TSPAN15: variants seen among roughly 807,000 people sequenced by gnomAD.
The protein encoded by TSPAN15 is tetraspanin-15.
TSPAN15 carries 20 observed loss-of-function variants against 34.5 expected under a neutral mutation model. The observed-to-expected ratio is 0.58, with a 90% CI of 0.41 to 0.84. TSPAN15 has a LOEUF of 0.84. Ranked by LOEUF, TSPAN15 falls within the 40% of genes least tolerant of loss-of-function variation. TSPAN15 has a pLI of 0.00. For missense variants in TSPAN15, 313 were observed against 386.1 expected (o/e 0.81, Z 1.59); for synonymous variants, 155 against 153.9 (o/e 1.01, Z -0.05).
At chr10:69,482,585 C>T (rs933661923) in intron 1 of TSPAN15, among the ~76,000 whole-genome samples, 7 of 152,290 alleles carry the variant, frequency 4.6e-5, no homozygotes, top group Middle Eastern at 3.4e-3. Context: ...CGCGTTGTGG[C>T]GGCCTCGCAC....
At chr10:69,546,537 G>C in the TSPAN15 span, among the ~76,000 whole-genome samples, 1 of 152,072 alleles carries the variant, frequency 6.6e-6, no homozygotes, top group Non-Finnish European at 1.5e-5. Flanking sequence ...TCTCACACTG[G>C]AATTTCTGTC....
chr10:69,478,791 G>A (rs1175990267), intron 1 of TSPAN15, among the ~76,000 whole-genome samples: 1 of 152,188 alleles, frequency 6.6e-6, no homozygotes, highest in East Asian at 1.9e-4. Context: ...AACTTTATCA[G>A]CGCATTCAAT....
intron 1 of TSPAN15, among the ~76,000 whole-genome samples, chr10:69,482,719 G>C (rs1320610170): frequency 7.9e-6 from 1 of 126,934 alleles, no homozygotes; most frequent in South Asian, 2.6e-4. Context: ...TCAAATGCCT[G>C]TCCAAGGCCC....
In TSPAN15 at chr10:69,471,005, CAT is replaced by C. The variant is rs572653539; in HGVS notation, c.97-12685_97-12684del. On this transcript the variant is annotated intron_variant, in intron 1 of 7. Transcript: ENST00000373290. ...CTCCTCTACTCCAAGTCTTTGCTCA[CAT>C]GTCACCCTCCCTGGCCACACTGACG... Among the ~76,000 whole-genome samples the C allele has an allele frequency of 7.8e-4, 119 of 152,328 alleles. 1 individual carries two copies. The South Asian group carries it at 0.023, about 30-fold the overall frequency.
At chr10:69,515,325 T>G in the TSPAN15 span, among the ~76,000 whole-genome samples, 3 of 152,176 alleles carry the variant, frequency 2.0e-5, no homozygotes, top group Non-Finnish European at 4.4e-5. Context: ...CACTCTAGCC[T>G]CAGTCCTGGG....
chr10:69,492,408 C>T (rs777210576), intron 3 of TSPAN15, among the ~76,000 whole-genome samples: 25 of 152,186 alleles, frequency 1.6e-4, no homozygotes, highest in Non-Finnish European at 1.0e-4. Flanking sequence ...CTCGTCTCCC[C>T]GGTACACATA....
At chr10:69,489,199 G>A (rs368742292) in intron 3 of TSPAN15, among the ~76,000 whole-genome samples, 5 of 152,156 alleles carry the variant, frequency 3.3e-5, no homozygotes, top group Admixed American at 1.3e-4. Flanking sequence ...TTGCATGTCC[G>A]TTTATAGGCT....
At chr10:69,499,313 C>T (rs563841941) in intron 5 of TSPAN15, among the ~76,000 whole-genome samples, 35 of 152,312 alleles carry the variant, frequency 2.3e-4, no homozygotes, top group Admixed American at 1.6e-3. Flanking sequence ...GCCCATGAGT[C>T]AGAGAGCCAG....
At chr10:69,474,550 CTATAG>C (rs1841575001) in intron 1 of TSPAN15, among the ~76,000 whole-genome samples, 1 of 152,100 alleles carries the variant, frequency 6.6e-6, no homozygotes, top group Non-Finnish European at 1.5e-5. Context: ...TGGTGGTGGC[CTATAG>C]TTACGAGTGG....
At chr10:69,513,669 T>G in the TSPAN15 span, among the ~76,000 whole-genome samples, 2,515 of 152,352 alleles carry the variant, frequency 0.017, 74 homozygotes, top group African/African-American at 0.057. Flanking sequence ...TTCTCCTACA[T>G]TTTCTTTTAA....
intron 1 of TSPAN15, among the ~76,000 whole-genome samples, chr10:69,462,860 C>A (rs1357281514): frequency 6.6e-6 from 1 of 152,094 alleles, no homozygotes; most frequent in African/African-American, 2.4e-5. Flanking sequence ...TTGGGAGAGG[C>A]CCAGAAAGAA....
downstream of TSPAN15, chr10:69,507,715 G>C (rs112226045): frequency 9.3e-6 from 11 of 1,186,146 alleles, no homozygotes; most frequent in African/African-American, 1.1e-4. Flanking sequence ...GGGTAAGGAA[G>C]GCTGCAACCT....
intron 1 of TSPAN15, among the ~76,000 whole-genome samples, chr10:69,473,830 A>G (rs2133092719): frequency 6.6e-6 from 1 of 152,192 alleles, no homozygotes; most frequent in East Asian, 1.9e-4. Flanking sequence ...GACACTTGAG[A>G]TCTGATTGCC....
chr10:69,483,600 C>A, intron 1 of TSPAN15, 91 bp from the exon 2 acceptor site: 2 of 1,405,988 alleles, frequency 1.4e-6, no homozygotes, highest in South Asian at 2.8e-5. Context: ...CAAGCCTCCC[C>A]CACAGCAGGT....
intron 3 of TSPAN15, 101 bp from the exon 4 acceptor site, chr10:69,495,493 T>C: frequency 2.4e-6 from 2 of 848,924 alleles, no homozygotes; most frequent in Non-Finnish European, 3.9e-6. Flanking sequence ...CGAGCTGCAT[T>C]GGCACAAGGC....
Position 69,451,644 on chromosome 10 carries a change from A to T in TSPAN15, c.50A>T (p.Tyr17Phe). Residue 17 changes from tyrosine to phenylalanine, a missense_variant, in exon 1 of 8, where the codon TAC becomes TTC. Tyr to Phe is a conservative substitution (Grantham distance 22). Transcript: ENST00000373290. ...GTGCGCTACTGCGCGCGCTTCTCCT[A>T]CCTCTGGCTCAAGTTTTCACTTATC... ...EQVRYCARFS[Y>F]LWLKFSLIIY... The T allele has an allele frequency of 6.5e-7, 1 of 1,545,466 alleles. No homozygotes were observed. The highest frequency in any genetic ancestry group is 1.2e-5 in the South Asian group (1 of 82,084).
chr10:69,471,366 G>A (rs1268948292), intron 1 of TSPAN15, among the ~76,000 whole-genome samples: 2 of 152,060 alleles, frequency 1.3e-5, no homozygotes, highest in Admixed American at 6.5e-5. Flanking sequence ...CTGAACACTC[G>A]ATGTGGCAGT....
chr10:69,468,117 C>CCCCCCT (rs1589629044), intron 1 of TSPAN15, among the ~76,000 whole-genome samples: 1 of 148,112 alleles, frequency 6.8e-6, no homozygotes, highest in East Asian at 2.2e-4. Context: ...CCAGCCCCCG[C>CCCCCCT]CCCCCTCCCC....
intron 3 of TSPAN15, chr10:69,494,620 A>G: frequency 2.0e-6 from 2 of 984,824 alleles, no homozygotes; most frequent in Non-Finnish European, 2.4e-6. Flanking sequence ...TTTGGTTCAC[A>G]GTTGGGAAGC....
Sources: allele counts gnomAD v4.1 joint callset (sites outside exome capture counted in the v4.1 genomes callset), GRCh38; gene constraint gnomAD v4.1.1; transcripts MANE v1.5; gene names NCBI Gene and HGNC (gene_info 2026-07-23, HGNC 2026-07-21).